Variants in MGAT4C observed in about 807,000 individuals in gnomAD.
MGAT4C encodes MGAT4 family member C, also known as alpha-1,3-mannosyl-glycoprotein 4-beta-N-acetylglucosaminyltransferase C.
A neutral mutation model predicts 40.1 loss-of-function variants in MGAT4C; 19 were observed. The ratio of observed to expected loss-of-function variants is 0.47; its 90% CI spans 0.33 to 0.70. The LOEUF is 0.70. Among genes scored for constraint, MGAT4C ranks in the 30% least tolerant of loss-of-function variants. The probability of loss-of-function intolerance (pLI) is 0.02; values close to 1 mark genes in which losing one functional copy is unlikely to be tolerated. For missense variants in MGAT4C, 491 were observed against 563.2 expected (o/e 0.87, Z 1.30); for synonymous variants, 181 against 187.1 (o/e 0.97, Z 0.27).
At chr12:86,752,193 G>T (rs1302955476) in intron 1 of MGAT4C, among the ~76,000 whole-genome samples, 2 of 151,968 alleles carry the variant, frequency 1.3e-5, no homozygotes, top group African/African-American at 4.8e-5. Context: ...CTTATAATTT[G>T]TCTCTGTGAG....
At chr12:86,630,716 A>G (rs2136504590) in intron 2 of MGAT4C, among the ~76,000 whole-genome samples, 1 of 152,310 alleles carries the variant, frequency 6.6e-6, no homozygotes, top group Non-Finnish European at 1.5e-5. Context: ...TTCATGCTAA[A>G]AACTCTCAAT....
chr12:86,183,846 C>A (rs1293771630), intron 1 of MGAT4C, among the ~76,000 whole-genome samples: 1 of 152,168 alleles, frequency 6.6e-6, no homozygotes, highest in Non-Finnish European at 1.5e-5. Context: ...CTCATTCAAA[C>A]CTAATTATCT....
intron 1 of MGAT4C, among the ~76,000 whole-genome samples, chr12:86,249,692 TATG>T (rs888352588): frequency 1.4e-4 from 22 of 152,184 alleles, no homozygotes; most frequent in African/African-American, 4.1e-4. Context: ...TGCCTTTGCT[TATG>T]ATAAGCAACT....
chr12:86,808,148 C>T (rs1289919102), intron 1 of MGAT4C, among the ~76,000 whole-genome samples: 1 of 151,976 alleles, frequency 6.6e-6, no homozygotes, highest in Non-Finnish European at 1.5e-5. Flanking sequence ...GCCTACCAAC[C>T]AAATAAAAGA....
intron 4 of MGAT4C, among the ~76,000 whole-genome samples, chr12:86,298,384 A>G (rs1398658166): frequency 6.6e-6 from 1 of 152,158 alleles, no homozygotes; most frequent in Non-Finnish European, 1.5e-5. Flanking sequence ...ACTTGTATAT[A>G]GCATTGGAAG....
intron 2 of MGAT4C, among the ~76,000 whole-genome samples, chr12:86,604,395 G>T (rs1961966523): frequency 6.6e-6 from 1 of 151,998 alleles, no homozygotes; most frequent in Non-Finnish European, 1.5e-5. Context: ...CCCCAAAAGG[G>T]CTCAGTTTTT....
At chr12:86,655,039 A>G (rs1406466137) in intron 2 of MGAT4C, among the ~76,000 whole-genome samples, 2 of 151,876 alleles carry the variant, frequency 1.3e-5, no homozygotes, top group Non-Finnish European at 2.9e-5. Context: ...AATACTATGC[A>G]GTTCTTTTTT....
At chr12:86,255,932 A>G (rs1408521076) in intron 1 of MGAT4C, among the ~76,000 whole-genome samples, 1 of 152,182 alleles carries the variant, frequency 6.6e-6, no homozygotes, top group East Asian at 1.9e-4. Context: ...AATGATATAC[A>G]TACACATATA....
intron 1 of MGAT4C, among the ~76,000 whole-genome samples, chr12:86,061,233 C>T (rs1435126639): frequency 6.6e-6 from 1 of 152,230 alleles, no homozygotes; most frequent in Admixed American, 6.5e-5. Context: ...GTGGGGCATC[C>T]CCTCAACCGG....
chr12:86,792,637 A>C (rs1304799863), intron 1 of MGAT4C, among the ~76,000 whole-genome samples: 2 of 152,200 alleles, frequency 1.3e-5, no homozygotes, highest in Non-Finnish European at 2.9e-5. Context: ...TGTGCATTTT[A>C]AAACCTGGTT....
chr12:85,989,320 A>C, intron 3 of MGAT4C, 80 bp downstream of exon 3: 2 of 1,314,084 alleles, frequency 1.5e-6, no homozygotes, highest in Non-Finnish European at 2.0e-6. Flanking sequence ...CTTGAGATTG[A>C]AGTTAGGCTA....
intron 2 of MGAT4C, among the ~76,000 whole-genome samples, chr12:86,589,715 T>C (rs1402001577): frequency 6.6e-6 from 1 of 152,012 alleles, no homozygotes; most frequent in African/African-American, 2.4e-5. Context: ...CATGATCAAG[T>C]GGGCTTCATC....
intron 2 of MGAT4C, among the ~76,000 whole-genome samples, chr12:86,660,606 T>A (rs1187433563): frequency 1.3e-5 from 2 of 152,150 alleles, no homozygotes; most frequent in Non-Finnish European, 2.9e-5. Flanking sequence ...AATTGCTAGG[T>A]AACATAATAG....
chr12:86,223,490 A>G (rs559080555), intron 1 of MGAT4C, among the ~76,000 whole-genome samples: 1 of 152,126 alleles, frequency 6.6e-6, no homozygotes, highest in Admixed American at 6.5e-5. Context: ...AAGAAACCAC[A>G]TGACCCACAG....
chr12:86,800,888 C>A (rs141644158), intron 1 of MGAT4C, among the ~76,000 whole-genome samples: 190 of 151,948 alleles, frequency 1.3e-3, no homozygotes, highest in Non-Finnish European at 1.0e-3. Context: ...AGAAATCCTG[C>A]TAAGTCAGTT....
At chr12:86,147,305 G>T (rs1404914010) in intron 1 of MGAT4C, among the ~76,000 whole-genome samples, 2 of 151,838 alleles carry the variant, frequency 1.3e-5, no homozygotes, top group Non-Finnish European at 2.9e-5. Context: ...GCAGTGCCGC[G>T]ATCTCAGCTC....
chr12:86,804,535 C>T (rs887379559), intron 1 of MGAT4C, among the ~76,000 whole-genome samples: 1 of 151,782 alleles, frequency 6.6e-6, no homozygotes, highest in African/African-American at 2.4e-5. Flanking sequence ...ATTATAAGTG[C>T]TATATTGTAA....
chr12:86,698,995 G>A (rs76576755), intron 2 of MGAT4C, among the ~76,000 whole-genome samples: 4,751 of 152,178 alleles, frequency 0.031, 121 homozygotes, highest in African/African-American at 0.074. Flanking sequence ...GTGCTTTAGA[G>A]CAACAAGGCA....
rs1183997849 is a variant in MGAT4C, at chr12:86,012,778, AACC to A, written c.-6-23229_-6-23227del. ...AAACAACAACAACAACAACAACAAC[AACC>A]ACCACCACCACCACCACCACCACCA... On this transcript the variant is annotated intron_variant, in intron 2 of 4. Transcript: ENST00000611864. Among the ~76,000 whole-genome samples, 1,261 of 136,152 alleles carry A rather than the reference AACC, an allele frequency of 9.3e-3. 15 individuals carry two copies. The highest frequency in any genetic ancestry group is 0.019 in the African/African-American group (700 of 36,390). 89.3% of individuals were successfully genotyped at this position (136,152 alleles called of 152,430 possible).
Sources: gnomAD v4.1 joint callset for allele counts (sites outside exome capture counted in the v4.1 genomes callset) on GRCh38, gnomAD v4.1.1 for gene constraint, MANE v1.5 for transcripts, NCBI Gene and HGNC (gene_info 2026-07-23, HGNC 2026-07-21) for gene names.